The following SYK variants were observed in gnomAD, a reference collection of about 807,000 sequenced individuals.
The protein encoded by SYK is tyrosine-protein kinase SYK.
Under a neutral mutation model 77.8 loss-of-function variants are expected in SYK, and 16 were observed. The ratio of observed to expected loss-of-function variants is 0.21; its 90% confidence interval spans 0.14 to 0.31. The LOEUF (loss-of-function observed/expected upper bound fraction) is 0.31, where lower values mean the gene tolerates loss of function less well. Ranked by LOEUF, SYK falls within the 10% of genes least tolerant of loss-of-function variation. The pLI, the probability that SYK is intolerant of heterozygous loss-of-function variation, is 1.00. For missense variants in SYK, 529 were observed against 814.4 expected (o/e 0.65, Z 4.26); for synonymous variants, 312 against 308.7 (o/e 1.01, Z -0.11).
intron 1 of SYK, among the ~76,000 whole-genome samples, chr9:90,811,823 C>T (rs549613406): frequency 6.0e-5 from 9 of 149,886 alleles, no homozygotes; most frequent in African/African-American, 1.5e-4. Flanking sequence ...TACATGGGGG[C>T]GCTGAGGTGG....
chr9:90,870,986 A>C (rs1827708304), intron 7 of SYK, among the ~76,000 whole-genome samples: 1 of 152,132 alleles, frequency 6.6e-6, no homozygotes, highest in Admixed American at 6.5e-5. Flanking sequence ...CAGACCAATA[A>C]TTTTTTCCTC....
At chr9:90,834,669 G>A (rs1427052583) in intron 1 of SYK, among the ~76,000 whole-genome samples, 4 of 152,206 alleles carry the variant, frequency 2.6e-5, no homozygotes, top group Non-Finnish European at 5.9e-5. Flanking sequence ...ATGACCCATA[G>A]GCCACATGTG....
At chr9:90,811,709 G>T (rs1164006559) in intron 1 of SYK, among the ~76,000 whole-genome samples, 1 of 151,910 alleles carries the variant, frequency 6.6e-6, no homozygotes, top group Admixed American at 6.6e-5. Flanking sequence ...CTTGAGCTCA[G>T]GAGTTTGAAG....
At chr9:90,870,419 T>C (rs550866162) in intron 7 of SYK, among the ~76,000 whole-genome samples, 10 of 152,358 alleles carry the variant, frequency 6.6e-5, no homozygotes, top group Admixed American at 4.6e-4. Context: ...TTTTCATGTT[T>C]TATTCCAACA....
intron 6 of SYK, among the ~76,000 whole-genome samples, chr9:90,866,433 C>T (rs963842009): frequency 6.6e-6 from 1 of 152,214 alleles, no homozygotes; most frequent in Non-Finnish European, 1.5e-5. Flanking sequence ...ATACCAGTGA[C>T]CTTTGGGATC....
At chr9:90,839,204 A>G (rs1161417909) in intron 1 of SYK, among the ~76,000 whole-genome samples, 1 of 152,226 alleles carries the variant, frequency 6.6e-6, no homozygotes, top group Non-Finnish European at 1.5e-5. Context: ...ATGCACAGGA[A>G]CACCATGGAC....
intron 7 of SYK, among the ~76,000 whole-genome samples, chr9:90,867,655 C>A (rs1827564103): frequency 6.6e-6 from 1 of 152,116 alleles, no homozygotes; most frequent in Non-Finnish European, 1.5e-5. Context: ...TCAGGCAGTG[C>A]ATGGTAACTT....
At position 90,896,458 on chromosome 9, in the gene SYK, C is replaced by T. The variant is rs201170015; in HGVS notation, c.*858C>T. On this transcript the variant is annotated 3_prime_UTR_variant, in exon 14 of 14. Coordinates refer to ENST00000375754, the MANE Select transcript of SYK (RefSeq NM_003177.7). ...CAGCTTCAGGCTGCCTTCCTCTGAACGTGGTCCACACCTTCCTCTCCTCCA... is the reference window on the plus strand; with the variant it reads ...CAGCTTCAGGCTGCCTTCCTCTGAATGTGGTCCACACCTTCCTCTCCTCCA... 9 of 233,282 alleles carry T rather than the reference C, an allele frequency of 3.9e-5. No homozygotes were observed. The highest frequency in any genetic ancestry group is 2.0e-4 in the African/African-American group (9 of 45,464). The allele number at this position is 233,282 out of a possible 1,614,324, so 14.5% of individuals were successfully genotyped here.
chr9:90,849,119 T>C (rs1826717034), intron 3 of SYK, among the ~76,000 whole-genome samples: 1 of 152,020 alleles, frequency 6.6e-6, no homozygotes, highest in Non-Finnish European at 1.5e-5. Flanking sequence ...TTGGGCAAGT[T>C]GGGGGGGCTG....
At chr9:90,817,600 C>G (rs1198570456) in intron 1 of SYK, among the ~76,000 whole-genome samples, 1 of 151,912 alleles carries the variant, frequency 6.6e-6, no homozygotes, top group African/African-American at 2.4e-5. Context: ...TTATTTTAAC[C>G]AAGTGATTAT....
rs896384740 is a variant in SYK, at chr9:90,888,441, G to T, written c.1723-74G>T. 4.8e-6 allele frequency: 5 copies of T among 1,034,326 alleles called. No homozygotes were observed. In the African/African-American group the frequency reaches 6.5e-5, roughly 14 times the overall value. 64.1% of individuals were successfully genotyped at this position (1,034,326 alleles called of 1,614,324 possible). A position where few individuals can be genotyped will look rare whatever the true frequency, so the allele number is the denominator to read the frequency against. On this transcript the variant is annotated intron_variant, in intron 12 of 13. Transcript: ENST00000375754. Reference sequence around the variant, plus strand: ...TACAATGTGTACTCCTTCATGTCTTGGAGTGGCTGTTTTGTTTTGTTTGAC... The same window carrying T: ...TACAATGTGTACTCCTTCATGTCTTTGAGTGGCTGTTTTGTTTTGTTTGAC...
At chr9:90,881,769 G>A (rs1162834132) in intron 11 of SYK, among the ~76,000 whole-genome samples, 4 of 152,030 alleles carry the variant, frequency 2.6e-5, no homozygotes, top group Admixed American at 6.5e-5. Context: ...GAAACCATGC[G>A]TGACAGGGTA....
chr9:90,812,769 G>GTC (rs1825133998), intron 1 of SYK, among the ~76,000 whole-genome samples: 4 of 89,844 alleles, frequency 4.5e-5, no homozygotes, highest in Non-Finnish European at 1.0e-4. Flanking sequence ...GTGTGTGTGT[G>GTC]TGTGTGTGTG....
chr9:90,871,666 A>G (rs7864625), intron 7 of SYK, among the ~76,000 whole-genome samples: 10,460 of 152,256 alleles, frequency 0.069, 427 homozygotes, highest in South Asian at 0.16. Flanking sequence ...AACTGACTCA[A>G]TAGGAAACCT....
chr9:90,888,920 G>T (rs1175226189), intron 13 of SYK, among the ~76,000 whole-genome samples: 2 of 152,166 alleles, frequency 1.3e-5, no homozygotes, highest in Admixed American at 6.5e-5. Context: ...AAGTAAAAAA[G>T]TGTTTGTAAG....
At chr9:90,853,119 A>G (rs1352881094) in intron 3 of SYK, among the ~76,000 whole-genome samples, 3 of 151,236 alleles carry the variant, frequency 2.0e-5, no homozygotes, top group Non-Finnish European at 4.4e-5. Context: ...GGTGGGAAAA[A>G]TCTCTCTGGG....
intron 1 of SYK, among the ~76,000 whole-genome samples, chr9:90,813,505 G>C (rs1002250250): frequency 6.6e-6 from 1 of 152,142 alleles, no homozygotes; most frequent in Non-Finnish European, 1.5e-5. Flanking sequence ...ACCAGGCCTC[G>C]GGGTCTAGAT....
intron 11 of SYK, among the ~76,000 whole-genome samples, 161 bp downstream of exon 11, chr9:90,879,114 T>C (rs1302459308): frequency 6.6e-6 from 1 of 152,232 alleles, no homozygotes; most frequent in Non-Finnish European, 1.5e-5. Context: ...TTTTACTGTT[T>C]AAAAAATAAA....
chr9:90,867,801 A>G (rs1827571716), intron 7 of SYK, among the ~76,000 whole-genome samples: 1 of 152,192 alleles, frequency 6.6e-6, no homozygotes, highest in Admixed American at 6.5e-5. Flanking sequence ...GTTTTGTTCT[A>G]TTATTGGATT....
Sources: allele counts gnomAD v4.1 joint callset (sites outside exome capture counted in the v4.1 genomes callset), GRCh38; gene constraint gnomAD v4.1.1; transcripts MANE v1.5; gene names NCBI Gene and HGNC (gene_info 2026-07-23, HGNC 2026-07-21).